The following TMEM217 variants were observed in gnomAD, a reference collection of about 807,000 sequenced individuals.
TMEM217 encodes transmembrane protein 217, also known as chromosome 6 open reading frame 128.
For synonymous variants in TMEM217, 76 were observed against 88.3 expected (o/e 0.86, Z 0.78); for missense variants, 204 against 248.8 (o/e 0.82, Z 1.21).
chr6:37,231,226 ATTTTTTTTT>A (rs35394043), intron 1 of TMEM217, among the ~76,000 whole-genome samples: 2 of 87,448 alleles, frequency 2.3e-5, no homozygotes, highest in African/African-American at 4.6e-5. Flanking sequence ...TGCCTGGCTA[ATTTTTTTTT>A]TTTTTTTTTT....
chr6:37,248,786 A>G (rs1462328810), intron 1 of TMEM217, among the ~76,000 whole-genome samples: 1 of 152,204 alleles, frequency 6.6e-6, no homozygotes, highest in African/African-American at 2.4e-5. Flanking sequence ...CTTTTTCTTT[A>G]TATCCTGCAT....
exon 2 of TMEM217, chr6:37,218,304 G>A (rs1763329428): frequency 2.5e-6 from 3 of 1,178,118 alleles, no homozygotes; most frequent in East Asian, 5.1e-5. Flanking sequence ...AAGTGGCTGG[G>A]ATTACAGGTG....
rs1763812743 is a variant in TMEM217 at position 37,226,185 on chromosome 6, T to TACC, written c.-11-7147_-11-7145dup. Among the ~76,000 whole-genome samples, 4 of 152,238 alleles carry TACC rather than the reference T, an allele frequency of 2.6e-5. No homozygotes were observed. In the South Asian group the frequency reaches 6.2e-4, roughly 24 times the overall value. ...TTATTTCACTGAGTCTATGCTTATT[T>TACC]ACCATCTCCTCATAAAGAGATATCT... On this transcript the variant is annotated intron_variant, in intron 1 of 1. Transcript: ENST00000357219.
intron 1 of TMEM217, among the ~76,000 whole-genome samples, chr6:37,242,008 ATTTT>A (rs35494889): frequency 1.5e-5 from 2 of 130,018 alleles, no homozygotes; most frequent in Admixed American, 7.8e-5. Flanking sequence ...TTCGATCTCA[ATTTT>A]TTTTTTTTTT....
chr6:37,257,878 A>G (rs1282608846), exon 1 of TMEM217: 26 of 1,606,128 alleles, frequency 1.6e-5, no homozygotes, highest in Non-Finnish European at 1.7e-5. Context: ...CGCCGGGCAA[A>G]CCCTTGGCCC....
Position 37,232,759 on chromosome 6 carries a change from G to A in TMEM217, c.-11-13718C>T, listed in dbSNP as rs73417851. 4.6e-5 allele frequency among the ~76,000 whole-genome samples: 7 copies of A among 152,124 alleles called. 1 individual carries two copies. Among genetic ancestry groups the A allele is most frequent in the South Asian group, 4.2e-4 (2 of 4,812 alleles). On this transcript the variant is annotated intron_variant, in intron 1 of 1. Transcript: ENST00000357219. Reference sequence around the variant, plus strand: ...TCCAGAGCCCATGCTCCTGCCCTCCGCGGAATCTTCCATTTATCATTTCAG... The same window carrying A: ...TCCAGAGCCCATGCTCCTGCCCTCCACGGAATCTTCCATTTATCATTTCAG...
chr6:37,251,691 G>A (rs917370254), intron 1 of TMEM217, among the ~76,000 whole-genome samples: 3 of 152,192 alleles, frequency 2.0e-5, no homozygotes, highest in Admixed American at 6.6e-5. Flanking sequence ...ACTCAGGATC[G>A]TGGTTTCCAC....
chr6:37,241,314 GA>G (rs900253425), intron 1 of TMEM217, among the ~76,000 whole-genome samples: 19 of 150,960 alleles, frequency 1.3e-4, no homozygotes, highest in African/African-American at 2.7e-4. Context: ...CTTTGTCAAA[GA>G]AAAAAAAGGT....
At chr6:37,216,691 C>A (rs1763224275), downstream of TMEM217, among the ~76,000 whole-genome samples, 1 of 152,096 alleles carries the variant, frequency 6.6e-6, no homozygotes, top group Non-Finnish European at 1.5e-5. Context: ...GTTTGACTGT[C>A]CCCTTCAAAA....
At position 37,244,902 on chromosome 6, in the gene TMEM217, G is replaced by A. The variant is rs149544956; in HGVS notation, c.-12+12666C>T. Among the ~76,000 whole-genome samples, 749 of 152,304 alleles carry A rather than the reference G, an allele frequency of 4.9e-3. 8 individuals are homozygous for A. Among genetic ancestry groups the A allele is most frequent in the African/African-American group, 0.017 (686 of 41,572 alleles). ...ACGTCAAAGGCTCAACTGGCTGTTGGCTGAACTAGGATGGCCTCAGCTGGG... is the reference window on the plus strand; with the variant it reads ...ACGTCAAAGGCTCAACTGGCTGTTGACTGAACTAGGATGGCCTCAGCTGGG... On this transcript the variant is annotated intron_variant, in intron 1 of 1. Transcript: ENST00000357219.
At chr6:37,233,753 C>T (rs758153940) in intron 1 of TMEM217, among the ~76,000 whole-genome samples, 2 of 152,192 alleles carry the variant, frequency 1.3e-5, no homozygotes, top group Non-Finnish European at 2.9e-5. Flanking sequence ...TGGTCCCTAA[C>T]TTACTTAAGT....
intron 1 of TMEM217, among the ~76,000 whole-genome samples, chr6:37,223,275 G>T (rs1763645651): frequency 6.6e-6 from 1 of 151,460 alleles, no homozygotes; most frequent in African/African-American, 2.4e-5. Flanking sequence ...CTAACTGATT[G>T]CTAGAAGGAT....
intron 1 of TMEM217, among the ~76,000 whole-genome samples, chr6:37,251,020 C>T (rs1456526579): frequency 1.4e-5 from 2 of 138,318 alleles, no homozygotes; most frequent in East Asian, 2.1e-4. Flanking sequence ...AGCTGCCTGA[C>T]CCTTTCCACC....
chr6:37,215,169 C>T (rs747951061), downstream of TMEM217: 1 of 1,609,032 alleles, frequency 6.2e-7, no homozygotes, highest in Non-Finnish European at 8.5e-7. Context: ...CCAAGGTCCT[C>T]TGGTACATTC....
At chr6:37,228,996 CA>C (rs1227077967) in intron 1 of TMEM217, among the ~76,000 whole-genome samples, 3 of 135,002 alleles carry the variant, frequency 2.2e-5, no homozygotes, top group Non-Finnish European at 3.2e-5. Flanking sequence ...GACTCCGTCT[CA>C]AAAAAAAAAC....
chr6:37,258,007 G>A, exon 1 of TMEM217: 19 of 1,609,150 alleles, frequency 1.2e-5, no homozygotes, highest in Non-Finnish European at 1.6e-5. Flanking sequence ...ATAGGGGATT[G>A]GACCAAACCC....
rs764010766 is a variant in TMEM217 at position 37,218,424 on chromosome 6, A to G, written c.607T>C (p.Ter203GlnextTer30). Residue 203 changes from the stop codon to glutamine, a stop_lost, in exon 2 of 2, where the codon TAG becomes CAG. Transcript: ENST00000357219. ...ACTCCTGACCTCAGGCGATCCACCT[A>G]CCTCTGCCTCTCAAAGTACTGGGAT... The G allele has an allele frequency of 3.1e-6, 5 of 1,593,518 alleles. No individual in the cohort carries two copies. The highest frequency in any genetic ancestry group is 4.3e-6 in the Non-Finnish European group (5 of 1,167,328).
chr6:37,241,371 G>A (rs758435540), intron 1 of TMEM217, among the ~76,000 whole-genome samples: 1 of 152,072 alleles, frequency 6.6e-6, no homozygotes, highest in Non-Finnish European at 1.5e-5. Context: ...ACTCCTCAGC[G>A]GCAGAGCTCC....
At chr6:37,250,492 G>A (rs1765341262) in intron 1 of TMEM217, among the ~76,000 whole-genome samples, 1 of 152,222 alleles carries the variant, frequency 6.6e-6, no homozygotes, top group Non-Finnish European at 1.5e-5. Context: ...ATTGCTGTGA[G>A]GATAAGTTGG....
Sources: allele counts gnomAD v4.1 joint callset (sites outside exome capture counted in the v4.1 genomes callset), GRCh38; gene constraint gnomAD v4.1.1; transcripts MANE v1.5; gene names NCBI Gene and HGNC (gene_info 2026-07-23, HGNC 2026-07-21).